The following CFAP20DC variants were observed in gnomAD, a reference collection of about 807,000 sequenced individuals.
CFAP20DC encodes protein CFAP20DC.
CFAP20DC carries 84 observed loss-of-function variants against 101.7 expected under a neutral mutation model. The observed-to-expected ratio is 0.83, with a 90% confidence interval of 0.69 to 0.99. The LOEUF (loss-of-function observed/expected upper bound fraction) is 0.99. Among genes scored for constraint, CFAP20DC ranks in the 50% least tolerant of loss-of-function variants. The pLI is 0.00. For synonymous variants in CFAP20DC, 359 were observed against 351.2 expected, an observed-to-expected ratio of 1.02 and a Z score of -0.25; for missense variants, 1,007 against 970.3, an observed-to-expected ratio of 1.04 and a Z score of -0.50.
At chr3:58,970,300 T>G (rs1030209543) in intron 4 of CFAP20DC, 4 of 152,170 alleles carry the variant, frequency 2.6e-5, no homozygotes, top group African/African-American at 9.7e-5. Flanking sequence ...CAAATTAACA[T>G]GAAGTCAGAA....
intron 6 of CFAP20DC, among the ~76,000 whole-genome samples, chr3:58,910,089 T>C (rs894853201): frequency 1.1e-4 from 17 of 152,164 alleles, no homozygotes; most frequent in African/African-American, 3.9e-4. Flanking sequence ...CTGCATAGTA[T>C]TATTCCCTGG....
chr3:58,770,494 A>C (rs2070742224), intron 15 of CFAP20DC, among the ~76,000 whole-genome samples: 1 of 152,212 alleles, frequency 6.6e-6, no homozygotes, highest in Non-Finnish European at 1.5e-5. Flanking sequence ...AGTCAGGAGA[A>C]TAGTTCAGGG....
At chr3:58,935,763 A>C (rs2087482986) in intron 5 of CFAP20DC, among the ~76,000 whole-genome samples, 1 of 152,248 alleles carries the variant, frequency 6.6e-6, no homozygotes, top group South Asian at 2.1e-4. Context: ...ATCTTATACA[A>C]AAATTAATTC....
chr3:58,719,095 T>A (rs1033815779), intron 3 of CFAP20DC, among the ~76,000 whole-genome samples: 1 of 152,002 alleles, frequency 6.6e-6, no homozygotes, highest in African/African-American at 2.4e-5. Context: ...AAATAAAAAA[T>A]TAGCCAGGTA....
intron 10 of CFAP20DC, 91 bp from the exon 11 acceptor site, chr3:58,866,779 CT>C: frequency 1.2e-6 from 1 of 821,326 alleles, no homozygotes; most frequent in Non-Finnish European, 1.9e-6. Context: ...GTATACTTTA[CT>C]ATTTGATCAT....
chr3:59,011,271 A>G (rs995245896), intron 4 of CFAP20DC, among the ~76,000 whole-genome samples: 1 of 151,870 alleles, frequency 6.6e-6, no homozygotes, highest in African/African-American at 2.4e-5. Context: ...AGTGGTGCAT[A>G]CCTGTAGTCC....
intron 4 of CFAP20DC, among the ~76,000 whole-genome samples, chr3:58,997,582 G>A (rs2093175297): frequency 6.6e-6 from 1 of 152,212 alleles, no homozygotes; most frequent in African/African-American, 2.4e-5. Context: ...AAATGCAGAA[G>A]TGTCATGAAA....
intron 3 of CFAP20DC, among the ~76,000 whole-genome samples, chr3:58,731,859 A>AT (rs1317138635): frequency 6.6e-6 from 1 of 152,230 alleles, no homozygotes; most frequent in African/African-American, 2.4e-5. Flanking sequence ...TTAGCCATCA[A>AT]TAGAACCATT....
intron 14 of CFAP20DC, among the ~76,000 whole-genome samples, chr3:58,809,074 A>T (rs2074373701): frequency 6.6e-6 from 1 of 152,126 alleles, no homozygotes; most frequent in Non-Finnish European, 1.5e-5. Context: ...GCAAGTCCTG[A>T]GTGACCTACA....
chr3:58,828,651 A>G (rs1185466339), intron 14 of CFAP20DC, among the ~76,000 whole-genome samples: 1 of 152,168 alleles, frequency 6.6e-6, no homozygotes, highest in Non-Finnish European at 1.5e-5. Flanking sequence ...CTGCTAAAGG[A>G]GAGAGGGAGG....
intron 4 of CFAP20DC, among the ~76,000 whole-genome samples, chr3:58,940,586 A>G (rs1347776465): frequency 1.3e-5 from 2 of 152,174 alleles, no homozygotes; most frequent in African/African-American, 4.8e-5. Context: ...GACCATAAAT[A>G]TATGTGTGTG....
chr3:58,741,103 GAAATT>G (rs2067871126), downstream of CFAP20DC, among the ~76,000 whole-genome samples: 1 of 152,178 alleles, frequency 6.6e-6, no homozygotes, highest in African/African-American at 2.4e-5. Flanking sequence ...AATATTAAAT[GAAATT>G]ATAGTACCAC....
intron 14 of CFAP20DC, among the ~76,000 whole-genome samples, chr3:58,823,682 G>C (rs1344662050): frequency 2.6e-5 from 4 of 152,102 alleles, no homozygotes; most frequent in African/African-American, 9.7e-5. Context: ...CTAGTCTGTA[G>C]TGTTTATTCC....
rs1419656852 is a variant in CFAP20DC, at chr3:58,795,669, A to G, written c.2237+10726T>C. On this transcript the variant is annotated intron_variant, in intron 15 of 16. Coordinates refer to ENST00000482387, the MANE Select transcript of CFAP20DC (RefSeq NM_001394063.1). The surrounding 1 kb of genome is among the most constrained non-coding windows in gnomAD (Gnocchi z 4.2). The stretch of plus-strand genomic sequence containing the variant: ...AAAGCAAAAGTAATAGCGAAAGCCA[A>G]GATTCTTCAGGTATCTGTCTTTTCA... Among the ~76,000 whole-genome samples, 2 of 152,202 alleles carry G rather than the reference A, an allele frequency of 1.3e-5. No individual in the cohort carries two copies. Among genetic ancestry groups the G allele is most frequent in the East Asian group, 3.8e-4 (2 of 5,196 alleles).
rs563349502 is a variant in CFAP20DC, at chr3:58,808,536, C to G, written c.2176-2080G>C. Among the ~76,000 whole-genome samples the G allele has an allele frequency of 5.6e-4, 85 of 152,260 alleles. No individual in the cohort carries two copies. In the Middle Eastern group the frequency reaches 0.01, roughly 18 times the overall value. On this transcript the variant is annotated intron_variant, in intron 14 of 16. Coordinates refer to ENST00000482387, the MANE Select transcript of CFAP20DC (RefSeq NM_001394063.1). ...TGCTGAGACATTTTGTCACCACCAG[C>G]CCTGCCCTAAAAGAGCTCCTGAAGG...
At chr3:58,765,282 A>T (rs918161261) in intron 15 of CFAP20DC, among the ~76,000 whole-genome samples, 1 of 151,052 alleles carries the variant, frequency 6.6e-6, no homozygotes, top group Non-Finnish European at 1.5e-5. Context: ...ATATACATCT[A>T]CACACACACA....
At chr3:58,829,668 G>A (rs2076266757) in intron 14 of CFAP20DC, among the ~76,000 whole-genome samples, 1 of 152,112 alleles carries the variant, frequency 6.6e-6, no homozygotes, top group African/African-American at 2.4e-5. Context: ...CAAATAGAGG[G>A]GTTATTAAGT....
intron 12 of CFAP20DC, among the ~76,000 whole-genome samples, chr3:58,860,110 G>C (rs966427709): frequency 2.0e-5 from 3 of 149,538 alleles, no homozygotes; most frequent in African/African-American, 7.4e-5. Context: ...CAGGGAGTCG[G>C]AGGTTGCAAT....
At chr3:58,820,272 A>G (rs1310559787) in intron 14 of CFAP20DC, among the ~76,000 whole-genome samples, 1 of 149,368 alleles carries the variant, frequency 6.7e-6, no homozygotes, top group Non-Finnish European at 1.5e-5. Context: ...TATTCAACAT[A>G]GTGTTGGAAG....
Sources: allele counts gnomAD v4.1 joint callset (sites outside exome capture counted in the v4.1 genomes callset), GRCh38; gene constraint gnomAD v4.1.1; non-coding constraint Gnocchi (gnomAD v3.1); transcripts MANE v1.5; gene names NCBI Gene and HGNC (gene_info 2026-07-23, HGNC 2026-07-21).